The following OR4F15 variants were observed in gnomAD, a reference collection of about 807,000 sequenced individuals.
OR4F15 encodes the protein olfactory receptor family 4 subfamily F member 15, also known as olfactory receptor 4F15.
A neutral mutation model predicts 11.9 loss-of-function variants in OR4F15; 7 were observed. The observed-to-expected ratio is 0.59, with a 90% confidence interval of 0.33 to 1.10. The LOEUF is 1.10. Among genes scored for constraint, OR4F15 ranks in the 50% least tolerant of loss-of-function variants. OR4F15 has a pLI of 0.03. For missense variants in OR4F15, 445 were observed against 377.5 expected (o/e 1.18, Z -1.48); for synonymous variants, 151 against 134.6 (o/e 1.12, Z -0.84).
Position 101,819,909 on chromosome 15 carries a change from AG to A in OR4F15, c.*786del, listed in dbSNP as rs1396937735. The A allele has an allele frequency of 6.6e-6, 1 of 152,174 alleles. No individual in the cohort carries two copies. Among genetic ancestry groups the A allele is most frequent in the Non-Finnish European group, 1.5e-5 (1 of 68,056 alleles). The allele number at this position is 152,174 out of a possible 1,614,324, so 9.4% of individuals were successfully genotyped here. A position where few individuals can be genotyped will look rare whatever the true frequency, so the allele number is the denominator to read the frequency against. ...CTCTACATATTTTTGCCACCTTATC[AG>A]GCTTCTTTGGCCATCTACAAAATTG... On this transcript the variant is annotated 3_prime_UTR_variant, in exon 2 of 2. Coordinates refer to ENST00000332238, the MANE Select transcript of OR4F15 (RefSeq NM_001001674.2).
At chr15:101,815,196 T>C (rs12148776) in intron 1 of OR4F15, among the ~76,000 whole-genome samples, 41,619 of 152,050 alleles carry the variant, frequency 0.27, 6,747 homozygotes, top group Non-Finnish European at 0.37. Context: ...TCTCATTTTA[T>C]CTATGTTCAA....
chr15:101,815,536 C>T (rs1302658529), intron 1 of OR4F15, among the ~76,000 whole-genome samples: 2 of 152,044 alleles, frequency 1.3e-5, no homozygotes, highest in Non-Finnish European at 2.9e-5. Flanking sequence ...AAACAGATCT[C>T]CTGAAAGTAG....
At chr15:101,816,952 G>A (rs991724327) in intron 1 of OR4F15, among the ~76,000 whole-genome samples, 5 of 151,814 alleles carry the variant, frequency 3.3e-5, no homozygotes, top group South Asian at 2.1e-4. Flanking sequence ...CCTTTTATTC[G>A]CTCCAAATGT....
chr15:101,813,143 G>A (rs1902933022), intron 1 of OR4F15, among the ~76,000 whole-genome samples: 1 of 152,140 alleles, frequency 6.6e-6, no homozygotes, highest in Admixed American at 6.5e-5. Context: ...TGAATTAAGT[G>A]GATATCAGCT....
intron 1 of OR4F15, among the ~76,000 whole-genome samples, chr15:101,814,500 C>A (rs1902957670): frequency 6.6e-6 from 1 of 152,078 alleles, no homozygotes. Context: ...TAAAGGAAAA[C>A]AACTCTAATG....
At position 101,818,428 on chromosome 15, in the gene OR4F15, T is replaced by C; in HGVS notation, c.242T>C (p.Met81Thr). 6.2e-7 allele frequency: 1 copy of C among 1,614,032 alleles called. No homozygotes were observed. The highest frequency in any genetic ancestry group is 8.5e-7 in the Non-Finnish European group (1 of 1,179,968). The change falls in exon 2 of 2, where the codon ATG (methionine) becomes ACG (threonine). Residue 81 changes from methionine (M) to threonine (T), a missense_variant. Coordinates refer to ENST00000332238, the MANE Select transcript of OR4F15 (RefSeq NM_001001674.2). ...MAFCSITAPKMICDIFKKHKA... is the reference protein window; with the variant it reads ...MAFCSITAPKTICDIFKKHKA... ...TTTTGCTCAATTACAGCCCCTAAGATGATTTGTGATATTTTCAAGAAGCAC... is the reference window on the plus strand; with the variant it reads ...TTTTGCTCAATTACAGCCCCTAAGACGATTTGTGATATTTTCAAGAAGCAC...
chr15:101,818,940 G>A lies in OR4F15; in HGVS notation c.754G>A (p.Gly252Arg). The change falls in exon 2 of 2, where the codon GGG becomes AGG. Residue 252 changes from glycine (G) to arginine (R), a missense_variant. Coordinates refer to ENST00000332238, the MANE Select transcript of OR4F15 (RefSeq NM_001001674.2). ...AHVTVVILFF[G>R]PLMFFYTWPS... The stretch of plus-strand genomic sequence containing the variant: ...TGTCACTGTGGTCATCTTGTTCTTT[G>A]GGCCACTGATGTTTTTCTACACATG... 3 of 1,614,006 alleles carry A rather than the reference G, an allele frequency of 1.9e-6. No individual in the cohort carries two copies. The highest frequency in any genetic ancestry group is 2.5e-6 in the Non-Finnish European group (3 of 1,179,982).
chr15:101,818,112 G>A, intron 1 of OR4F15, 38 bp from the exon 2 acceptor site: 1 of 941,468 alleles, frequency 1.1e-6, no homozygotes, highest in African/African-American at 1.6e-5. Flanking sequence ...ATGAATACTT[G>A]CCTAGGTAAT....
chr15:101,818,645 T>C lies in OR4F15; in HGVS notation c.459T>C (p.Leu153=), dbSNP rs1903044924. ...TAGCCACTTCCTCTATCATTGGCCT[T>C]ATCCACTCATTGGTCCAATTAGTTT... ...YFLATSSIIG[L]IHSLVQLVFV... is the part of the protein sequence containing the mutation. The change falls in exon 2 of 2, where the codon CTT becomes CTC. Residue 153 remains leucine, a synonymous_variant. Coordinates refer to ENST00000332238, the MANE Select transcript of OR4F15 (RefSeq NM_001001674.2). 6.2e-7 allele frequency: 1 copy of C among 1,613,976 alleles called. No homozygotes were observed. The highest frequency in any genetic ancestry group is 1.3e-5 in the African/African-American group (1 of 74,930).
At chr15:101,812,864 T>A (rs2141619282) in intron 1 of OR4F15, among the ~76,000 whole-genome samples, 1 of 152,262 alleles carries the variant, frequency 6.6e-6, no homozygotes, top group South Asian at 2.1e-4. Context: ...CTGCAATAAA[T>A]CCTCCTATAC....
At chr15:101,817,062 C>G (rs553487000) in intron 1 of OR4F15, among the ~76,000 whole-genome samples, 15 of 152,240 alleles carry the variant, frequency 9.9e-5, no homozygotes, top group African/African-American at 3.4e-4. Context: ...TTATTTGTTT[C>G]AGCTCATTAC....
chr15:101,817,584 G>A (rs1903012302), intron 1 of OR4F15, among the ~76,000 whole-genome samples: 1 of 152,188 alleles, frequency 6.6e-6, no homozygotes, highest in South Asian at 2.1e-4. Context: ...AGAGTCTGGG[G>A]CACATTGGGA....
Position 101,818,381 on chromosome 15 carries a change from C to T in OR4F15, c.195C>T (p.Asn65=). Residue 65 remains asparagine (N), a synonymous_variant, in exon 2 of 2, where the codon AAC becomes AAT. Coordinates refer to ENST00000332238, the MANE Select transcript of OR4F15 (RefSeq NM_001001674.2). ...LHSPMYFLLA[N]LSIIDMAFCS... is the part of the protein sequence containing the mutation. ...CCCCCATGTATTTCCTCCTGGCTAACCTCTCAATCATTGATATGGCATTTT... is the reference window on the plus strand; with the variant it reads ...CCCCCATGTATTTCCTCCTGGCTAATCTCTCAATCATTGATATGGCATTTT... 1 of 1,614,110 alleles carries T rather than the reference C, an allele frequency of 6.2e-7. No homozygotes were observed. The highest frequency in any genetic ancestry group is 8.5e-7 in the Non-Finnish European group (1 of 1,179,968).
Position 101,819,113 on chromosome 15 carries a change from A to C in OR4F15, c.927A>C (p.Thr309=), listed in dbSNP as rs1903058567. The C allele has an allele frequency of 3.1e-6, 5 of 1,600,424 alleles. No homozygotes were observed. Residue 309 remains threonine, a synonymous_variant, in exon 2 of 2, where the codon ACA becomes ACC. Transcript: ENST00000332238. The stretch of plus-strand genomic sequence containing the variant: ...TGTGCAGTCGTCTTGCGCATTTTAC[A>C]AAGATTTTGTAAATGGCTTGGCTGT... The part of the protein sequence containing the change: ...RRLCSRLAHF[T]KIL
Position 101,818,909 on chromosome 15 carries a change from A to G in OR4F15, c.723A>G (p.Ser241=). The change falls in exon 2 of 2, where the codon TCA becomes TCG. Residue 241 remains serine, a synonymous_variant. Transcript: ENST00000332238. ...TAGCCAAGGCCCTCTCTACCCTGTC[A>G]GCTCATGTCACTGTGGTCATCTTGT... ...GGLAKALSTL[S]AHVTVVILFF... The G allele has an allele frequency of 6.2e-7, 1 of 1,614,086 alleles. No individual in the cohort carries two copies. The highest frequency in any genetic ancestry group is 8.5e-7 in the Non-Finnish European group (1 of 1,180,006).
intron 1 of OR4F15, among the ~76,000 whole-genome samples, chr15:101,812,811 G>A (rs2141619264): frequency 6.6e-6 from 1 of 152,174 alleles, no homozygotes; most frequent in South Asian, 2.1e-4. Context: ...TTGAAGAATG[G>A]AGGAAAAAAA....
chr15:101,818,637 A>T lies in OR4F15; in HGVS notation c.451A>T (p.Ile151Phe), dbSNP rs1379576727. The change falls in exon 2 of 2, where the codon ATT becomes TTT. Residue 151 changes from isoleucine to phenylalanine, a missense_variant. Coordinates refer to ENST00000332238, the MANE Select transcript of OR4F15 (RefSeq NM_001001674.2). ...CLYFLATSSI[I>F]GLIHSLVQLV... ...ATACTTTTTAGCCACTTCCTCTATCATTGGCCTTATCCACTCATTGGTCCA... is the reference window on the plus strand; with the variant it reads ...ATACTTTTTAGCCACTTCCTCTATCTTTGGCCTTATCCACTCATTGGTCCA... 1 of 1,614,082 alleles carries T rather than the reference A, an allele frequency of 6.2e-7. No individual in the cohort carries two copies. Among genetic ancestry groups the T allele is most frequent in the Admixed American group, 1.7e-5 (1 of 60,008 alleles).
At position 101,818,835 on chromosome 15, in the gene OR4F15, T is replaced by C; in HGVS notation, c.649T>C (p.Ser217Pro). Residue 217 changes from serine (S) to proline (P), a missense_variant, in exon 2 of 2, where the codon TCC (serine) becomes CCC (proline). Coordinates refer to ENST00000332238, the MANE Select transcript of OR4F15 (RefSeq NM_001001674.2). Reference protein sequence around the residue: ...SVGSFVLLVISYIFILFTVWK... With the variant: ...SVGSFVLLVIPYIFILFTVWK... ...GGGCTCCTTTGTCTTGCTGGTAATT[T>C]CCTACATCTTCATTCTGTTCACTGT... The C allele has an allele frequency of 1.9e-6, 3 of 1,614,176 alleles. No homozygotes were observed. Among genetic ancestry groups the C allele is most frequent in the Non-Finnish European group, 2.5e-6 (3 of 1,180,020 alleles).
chr15:101,814,346 T>C (rs1309349067), intron 1 of OR4F15, among the ~76,000 whole-genome samples: 2 of 152,180 alleles, frequency 1.3e-5, no homozygotes, highest in African/African-American at 4.8e-5. Context: ...ATCACTTATT[T>C]CTTCATCATT....
Sources: gnomAD v4.1 joint callset for allele counts (sites outside exome capture counted in the v4.1 genomes callset) on GRCh38, gnomAD v4.1.1 for gene constraint, MANE v1.5 for transcripts, NCBI Gene and HGNC (gene_info 2026-07-23, HGNC 2026-07-21) for gene names.